Variants in CDC42EP3 observed in about 807,000 individuals in gnomAD.
CDC42EP3 encodes the protein CDC42 effector protein 3.
CDC42EP3 carries 4 observed loss-of-function variants against 15.5 expected under a neutral mutation model. The observed-to-expected ratio is 0.26, with a 90% CI of 0.13 to 0.59. The LOEUF is 0.59. Among genes scored for constraint, CDC42EP3 ranks in the 20% least tolerant of loss-of-function variants. CDC42EP3 has a pLI of 0.89. For missense variants in CDC42EP3, 309 were observed against 311.2 expected, an observed-to-expected ratio of 0.99 and a Z score of 0.05; for synonymous variants, 145 against 130.3, an observed-to-expected ratio of 1.11 and a Z score of -0.77.
chr2:37,653,414 T>A (rs1362905481), intron 1 of CDC42EP3, among the ~76,000 whole-genome samples: 2 of 152,158 alleles, frequency 1.3e-5, no homozygotes, highest in African/African-American at 4.8e-5. Context: ...GAAGCGTAAA[T>A]GACAGTGATA....
chr2:37,669,678 A>G (rs1167254070), intron 1 of CDC42EP3, among the ~76,000 whole-genome samples: 1 of 152,198 alleles, frequency 6.6e-6, no homozygotes, highest in Non-Finnish European at 1.5e-5. Context: ...AGATGATGCC[A>G]TTGGAAAACA....
intron 1 of CDC42EP3, among the ~76,000 whole-genome samples, chr2:37,648,028 C>A (rs763633614): frequency 6.6e-6 from 1 of 152,192 alleles, no homozygotes; most frequent in South Asian, 2.1e-4. Context: ...TGTAAGCCCT[C>A]AAGTTTGTGG....
At position 37,646,658 on chromosome 2, in the gene CDC42EP3, C is replaced by A; in HGVS notation, c.-71G>T. 3 of 1,394,210 alleles carry A rather than the reference C, an allele frequency of 2.2e-6. No individual in the cohort carries two copies. The highest frequency in any genetic ancestry group is 2.9e-6 in the Non-Finnish European group (3 of 1,029,784). 86.4% of individuals were successfully genotyped at this position (1,394,210 alleles called of 1,614,324 possible). On this transcript the variant is annotated 5_prime_UTR_variant, in exon 2 of 2. Transcript: ENST00000295324. ...CTTTCTTCACAGATGGTATATGTTT[C>A]TGAATCCTTTTTGATAGGAACTGTC...
intron 1 of CDC42EP3, among the ~76,000 whole-genome samples, chr2:37,667,386 C>T (rs73928825): frequency 0.045 from 6,809 of 152,170 alleles, 514 homozygotes; most frequent in African/African-American, 0.16. Flanking sequence ...AGGGGATTGT[C>T]CACAGGTGGT....
intron 1 of CDC42EP3, among the ~76,000 whole-genome samples, chr2:37,651,383 C>A (rs1440706736): frequency 6.6e-6 from 1 of 152,088 alleles, no homozygotes; most frequent in Non-Finnish European, 1.5e-5. Context: ...TTAGGCTTTC[C>A]TGGAGAGCCA....
chr2:37,654,025 C>CACTGCACT (rs1665770323), intron 1 of CDC42EP3, among the ~76,000 whole-genome samples: 1 of 152,182 alleles, frequency 6.6e-6, no homozygotes, highest in African/African-American at 2.4e-5. Flanking sequence ...GTCACGGCAC[C>CACTGCACT]ACTGCACTAC....
chr2:37,643,280 C>G lies in CDC42EP3; in HGVS notation c.*2543G>C, dbSNP rs1024934625. ...CTCTCTGCAGGAAAGAAAGCCACCA[C>G]CAGCAGTCCACCTGCTCTCAGGGGA... On this transcript the variant is annotated 3_prime_UTR_variant, in exon 2 of 2. Transcript: ENST00000295324. 2 of 152,238 alleles carry G rather than the reference C, an allele frequency of 1.3e-5. No homozygotes were observed. The highest frequency in any genetic ancestry group is 4.8e-5 in the African/African-American group (2 of 41,448). 9.4% of individuals were successfully genotyped at this position (152,238 alleles called of 1,614,324 possible).
rs888414878 is a variant in CDC42EP3 at position 37,671,516 on chromosome 2, C to A, written c.-326G>T. ...TGTGCGCAGATCCAGCCGAGTCTGCCGGCGTGGTGCCTGCTCACCGCATTA... is the reference window on the plus strand; with the variant it reads ...TGTGCGCAGATCCAGCCGAGTCTGCAGGCGTGGTGCCTGCTCACCGCATTA... On this transcript the variant is annotated 5_prime_UTR_variant, in exon 1 of 2. Coordinates refer to ENST00000295324, the MANE Select transcript of CDC42EP3 (RefSeq NM_006449.5). The A allele has an allele frequency of 4.6e-5, 7 of 152,236 alleles. No homozygotes were observed. The South Asian group carries it at 1.4e-3, about 31-fold the overall frequency. The allele number at this position is 152,236 out of a possible 1,614,324, so 9.4% of individuals were successfully genotyped here. A position where few individuals can be genotyped will look rare whatever the true frequency, so the allele number is the denominator to read the frequency against.
chr2:37,665,588 T>C (rs1666225438), intron 1 of CDC42EP3, among the ~76,000 whole-genome samples: 1 of 152,184 alleles, frequency 6.6e-6, no homozygotes, highest in South Asian at 2.1e-4. Flanking sequence ...TATGATGTAT[T>C]TGGACAGAAA....
At chr2:37,656,783 GCGCAACA>G (rs1379306932) in intron 1 of CDC42EP3, among the ~76,000 whole-genome samples, 6 of 152,124 alleles carry the variant, frequency 3.9e-5, no homozygotes, top group African/African-American at 1.4e-4. Context: ...CACACCAAGA[GCGCAACA>G]CGGATGAGAG....
chr2:37,649,671 G>C (rs1047498327), intron 1 of CDC42EP3, among the ~76,000 whole-genome samples: 1 of 151,964 alleles, frequency 6.6e-6, no homozygotes. Context: ...CACCCACCAG[G>C]GAGCAAGATG....
intron 1 of CDC42EP3, among the ~76,000 whole-genome samples, chr2:37,662,786 A>G (rs1666107096): frequency 1.3e-5 from 2 of 152,216 alleles, no homozygotes; most frequent in African/African-American, 4.8e-5. Context: ...TGAGAGCAAG[A>G]AAACAGGCTC....
chr2:37,664,921 C>A (rs149684868), intron 1 of CDC42EP3, among the ~76,000 whole-genome samples: 1 of 151,654 alleles, frequency 6.6e-6, no homozygotes, highest in African/African-American at 2.4e-5. Flanking sequence ...GGGGGAAGGG[C>A]GGGAGGAGGG....
chr2:37,646,512 G>A lies in CDC42EP3; in HGVS notation c.76C>T (p.Leu26=), dbSNP rs1374918753. The A allele has an allele frequency of 3.1e-6, 5 of 1,597,322 alleles. No individual in the cohort carries two copies. The highest frequency in any genetic ancestry group is 3.4e-6 in the Non-Finnish European group (4 of 1,175,178). The change falls in exon 2 of 2, where the codon CTG becomes TTG. Residue 26 remains leucine, a synonymous_variant. Coordinates refer to ENST00000295324, the MANE Select transcript of CDC42EP3 (RefSeq NM_006449.5). ...KGKKFKLRDI[L]SPDMISPPLG... is the part of the protein sequence containing the mutation. ...GGGGGACTGATCATATCAGGAGACA[G>A]AATGTCCCTCAGTTTAAATTTCTTT...
intron 1 of CDC42EP3, among the ~76,000 whole-genome samples, chr2:37,653,269 T>G (rs546484635): frequency 2.0e-5 from 3 of 152,076 alleles, no homozygotes; most frequent in Admixed American, 6.6e-5. Flanking sequence ...CATGCTCCCT[T>G]ACAGGTTGTG....
rs1397910696 is a variant in CDC42EP3 at position 37,643,715 on chromosome 2, G to A, written c.*2108C>T. 3 of 152,126 alleles carry A rather than the reference G, an allele frequency of 2.0e-5. No homozygotes were observed. In the East Asian group the frequency reaches 5.8e-4, roughly 29 times the overall value. The allele number at this position is 152,126 out of a possible 1,614,324, so 9.4% of individuals were successfully genotyped here. ...AAATGGGGGGGAGGTATTGAAAAGA[G>A]TCTAAAATTGGCTACAAATAATGAG... On this transcript the variant is annotated 3_prime_UTR_variant, in exon 2 of 2. Transcript: ENST00000295324.
At chr2:37,672,026 A>C (rs906624505), upstream of CDC42EP3, 1 of 151,948 alleles carries the variant, frequency 6.6e-6, no homozygotes. Context: ...CTCCGCCCGC[A>C]CCCCGGACTC....
rs7735 is a variant in CDC42EP3, at chr2:37,645,365, G to A, written c.*458C>T. ...GAAAAGTTTTAACACTGGAGAATTC[G>A]CTATGGTGAGCCTAAGCAATATATA... is the stretch of plus-strand genomic sequence containing the variant. On this transcript the variant is annotated 3_prime_UTR_variant, in exon 2 of 2. Transcript: ENST00000295324. 49,888 of 152,698 alleles carry A rather than the reference G, an allele frequency of 0.33. 9,347 individuals are homozygous for A. Among genetic ancestry groups the A allele is most frequent in the East Asian group, 0.58 (3,018 of 5,186 alleles). The allele number at this position is 152,698 out of a possible 1,614,324, so 9.5% of individuals were successfully genotyped here.
intron 1 of CDC42EP3, among the ~76,000 whole-genome samples, chr2:37,661,110 A>AGTGTGTGTGTGT (rs34074254): frequency 1.7e-4 from 24 of 141,470 alleles, no homozygotes; most frequent in African/African-American, 5.7e-4. Flanking sequence ...GTGTGTGTAC[A>AGTGTGTGTGTGT]GTGTGTGTGT....
Sources: allele counts gnomAD v4.1 joint callset (sites outside exome capture counted in the v4.1 genomes callset), GRCh38; gene constraint gnomAD v4.1.1; transcripts MANE v1.5; gene names NCBI Gene and HGNC (gene_info 2026-07-23, HGNC 2026-07-21).